PRDM6: variants seen among roughly 807,000 people sequenced by gnomAD.
PRDM6 encodes putative histone-lysine N-methyltransferase PRDM6.
A neutral mutation model predicts 60.8 loss-of-function variants in PRDM6; 25 were observed. The observed-to-expected ratio is 0.41, with a 90% confidence interval of 0.30 to 0.57. The LOEUF (loss-of-function observed/expected upper bound fraction) is 0.57. Among genes scored for constraint, PRDM6 ranks in the 20% least tolerant of loss-of-function variants. The pLI is 0.27. For synonymous variants in PRDM6, 407 were observed against 357.4 expected (o/e 1.14, Z -1.57); for missense variants, 839 against 821.3 (o/e 1.02, Z -0.26).
chr5:123,155,858 A>G (rs1765482895), intron 3 of PRDM6, 26 bp from the exon 4 acceptor site: 3 of 1,547,822 alleles, frequency 1.9e-6, no homozygotes, highest in Admixed American at 4.0e-5. Flanking sequence ...CGTTCTAACT[A>G]CTTGACCTTC....
At chr5:123,147,612 TACA>T (rs1765276276) in intron 3 of PRDM6, among the ~76,000 whole-genome samples, 1 of 151,894 alleles carries the variant, frequency 6.6e-6, no homozygotes. Context: ...CTCAAAAGAG[TACA>T]ACATCAAAGA....
intron 5 of PRDM6, among the ~76,000 whole-genome samples, chr5:123,165,315 A>T (rs546205523): frequency 2.6e-5 from 4 of 152,150 alleles, no homozygotes; most frequent in African/African-American, 9.6e-5. Context: ...ACTCCCAATC[A>T]TCCAATTGCT....
chr5:123,176,270 T>TAAAAA lies in PRDM6; in HGVS notation c.1497-3868_1497-3864dup, dbSNP rs780046640. 2.3e-3 allele frequency among the ~76,000 whole-genome samples: 274 copies of TAAAAA among 121,246 alleles called. 7 individuals carry two copies. Among genetic ancestry groups the TAAAAA allele is most frequent in the African/African-American group, 8.0e-3 (255 of 31,930 alleles). 79.5% of individuals were successfully genotyped at this position (121,246 alleles called of 152,430 possible). A position where few individuals can be genotyped will look rare whatever the true frequency, so the allele number is the denominator to read the frequency against. ...CAACACTACTAAAGATCTCAAATGG[T>TAAAAA]AAAAAAAAAAAAACAAAAAAAAAAC... is the stretch of plus-strand genomic sequence containing the variant. On this transcript the variant is annotated intron_variant, in intron 6 of 7. Transcript: ENST00000407847.
At chr5:123,158,002 A>G (rs568782654) in intron 4 of PRDM6, among the ~76,000 whole-genome samples, 8 of 152,252 alleles carry the variant, frequency 5.3e-5, no homozygotes, top group Non-Finnish European at 7.3e-5. Context: ...GTGCTTCAAC[A>G]TGCAGAGATT....
chr5:123,115,004 T>C (rs935829943), intron 3 of PRDM6, among the ~76,000 whole-genome samples: 2 of 152,170 alleles, frequency 1.3e-5, no homozygotes, highest in African/African-American at 4.8e-5. Flanking sequence ...AGTGCATAGC[T>C]GTTGTTTACA....
At chr5:123,105,110 G>T (rs1384084136) in intron 3 of PRDM6, among the ~76,000 whole-genome samples, 1 of 152,084 alleles carries the variant, frequency 6.6e-6, no homozygotes, top group Non-Finnish European at 1.5e-5. Flanking sequence ...GTATCCACCG[G>T]ATTATTTTTC....
intron 3 of PRDM6, among the ~76,000 whole-genome samples, chr5:123,128,470 G>A (rs892969470): frequency 1.7e-4 from 26 of 152,150 alleles, no homozygotes; most frequent in Admixed American, 5.9e-4. Flanking sequence ...TGTAACTGGC[G>A]TGAGATGGTA....
intron 5 of PRDM6, among the ~76,000 whole-genome samples, chr5:123,160,167 T>C (rs1341846780): frequency 6.6e-6 from 1 of 152,240 alleles, no homozygotes; most frequent in Non-Finnish European, 1.5e-5. Flanking sequence ...GACTGAGGAA[T>C]TTGTGTCTTT....
At chr5:123,101,560 A>G (rs1417894424) in intron 3 of PRDM6, among the ~76,000 whole-genome samples, 1 of 152,236 alleles carries the variant, frequency 6.6e-6, no homozygotes, top group Non-Finnish European at 1.5e-5. Context: ...AAGGTCTGCC[A>G]ATATTTTTCT....
At position 123,170,966 on chromosome 5, in the gene PRDM6, C is replaced by G. The variant is rs992816619; in HGVS notation, c.1354C>G (p.Arg452Gly). The G allele has an allele frequency of 6.4e-7, 1 of 1,551,830 alleles. No individual in the cohort carries two copies. The highest frequency in any genetic ancestry group is 8.7e-7 in the Non-Finnish European group (1 of 1,147,040). ...GFNQINVKNQ[R>G]VLASPTSTSQ... ...TAATCAAATCAACGTGAAAAACCAGCGAGTCCTGGCAAGCCCAACTTCCAC... is the reference window on the plus strand; with the variant it reads ...TAATCAAATCAACGTGAAAAACCAGGGAGTCCTGGCAAGCCCAACTTCCAC... The change falls in exon 6 of 8, where the codon CGA becomes GGA. Residue 452 changes from arginine (R) to glycine (G), a missense_variant. This residue lies in a region of PRDM6 where 730 missense variants were observed against 648.8 expected (regional missense o/e 1.13). Transcript: ENST00000407847.
chr5:123,133,566 G>T (rs891757951), intron 3 of PRDM6, among the ~76,000 whole-genome samples: 14 of 152,122 alleles, frequency 9.2e-5, no homozygotes, highest in Admixed American at 8.5e-4. Flanking sequence ...TTGATAAATT[G>T]GATCCTGATA....
chr5:123,115,774 G>A (rs192454644), intron 3 of PRDM6, among the ~76,000 whole-genome samples: 36 of 152,148 alleles, frequency 2.4e-4, no homozygotes, highest in African/African-American at 8.7e-4. Context: ...GAATCCAATT[G>A]CTCAACATTT....
intron 3 of PRDM6, among the ~76,000 whole-genome samples, chr5:123,135,312 CA>C (rs1764930398): frequency 1.3e-5 from 2 of 152,158 alleles, no homozygotes; most frequent in South Asian, 4.1e-4. Flanking sequence ...AACTCAGACA[CA>C]AGTAGTGGAA....
In PRDM6 at chr5:123,193,079, T is replaced by G. The variant is rs1324713246; in HGVS notation, c.*5878T>G. 1.3e-5 allele frequency: 2 copies of G among 152,238 alleles called. No individual in the cohort carries two copies. Among genetic ancestry groups the G allele is most frequent in the African/African-American group, 4.8e-5 (2 of 41,468 alleles). The allele number at this position is 152,238 out of a possible 1,614,324, so 9.4% of individuals were successfully genotyped here. On this transcript the variant is annotated 3_prime_UTR_variant, in exon 8 of 8. Transcript: ENST00000407847. ...CTGGCTTTATTACAACTCTTTACCG[T>G]GGTTTATTGAAACCACAATGTATAC...
Position 123,099,886 on chromosome 5 carries a change from A to G in PRDM6, c.825A>G (p.Gly275=). 1.3e-6 allele frequency: 2 copies of G among 1,549,602 alleles called. No homozygotes were observed. Among genetic ancestry groups the G allele is most frequent in the African/African-American group, 1.4e-5 (1 of 73,094 alleles). Residue 275 remains glycine, a synonymous_variant, in exon 3 of 8, where the codon GGA becomes GGG. Transcript: ENST00000407847. The surrounding 1 kb of genome is among the most constrained non-coding windows in gnomAD (Gnocchi z 4.0). ...AQRIQQGTWI[G]PFQGVLLPPE... ...GGATCCAGCAAGGCACCTGGATTGGACCTTTCCAAGGCGTGCTTCTGCCCC... is the reference window on the plus strand; with the variant it reads ...GGATCCAGCAAGGCACCTGGATTGGGCCTTTCCAAGGCGTGCTTCTGCCCC...
At chr5:123,147,235 A>G (rs577367331) in intron 3 of PRDM6, among the ~76,000 whole-genome samples, 1 of 152,064 alleles carries the variant, frequency 6.6e-6, no homozygotes, top group East Asian at 1.9e-4. Context: ...AGATTGTGTC[A>G]AAGAATTTTG....
At chr5:123,164,076 C>T (rs1273476538) in intron 5 of PRDM6, among the ~76,000 whole-genome samples, 1 of 152,144 alleles carries the variant, frequency 6.6e-6, no homozygotes, top group African/African-American at 2.4e-5. Flanking sequence ...GTCCACAAGA[C>T]CATCTGTGCA....
In PRDM6 at chr5:123,108,903, G is replaced by A. The variant is rs186799556; in HGVS notation, c.900+8942G>A. On this transcript the variant is annotated intron_variant, in intron 3 of 7. Transcript: ENST00000407847. ...AACATCTTGGAAATTGCAACCAATG[G>A]CACTGTTTTCACAGGGTTCCAGTAA... Among the ~76,000 whole-genome samples, 675 of 152,172 alleles carry A rather than the reference G, an allele frequency of 4.4e-3. 5 individuals carry two copies. Among genetic ancestry groups the A allele is most frequent in the South Asian group, 9.3e-3 (45 of 4,822 alleles).
Position 123,090,540 on chromosome 5 carries a change from T to C in PRDM6, c.526T>C (p.Tyr176His). Reference protein sequence around the residue: ...FRCSAEELDYYLYGQQRMEII... With the variant: ...FRCSAEELDYHLYGQQRMEII... The stretch of plus-strand genomic sequence containing the variant: ...CTGCAGCGCAGAGGAGCTGGACTAT[T>C]ACCTGTATGGCCAGCAGCGCATGGA... The change falls in exon 2 of 8, where the codon TAC (tyrosine) becomes CAC (histidine). Residue 176 changes from tyrosine to histidine, a missense_variant. Transcript: ENST00000407847. The C allele has an allele frequency of 6.6e-7, 1 of 1,521,452 alleles. No individual in the cohort carries two copies. Among genetic ancestry groups the C allele is most frequent in the Non-Finnish European group, 8.8e-7 (1 of 1,142,238 alleles). 94.2% of individuals were successfully genotyped at this position (1,521,452 alleles called of 1,614,324 possible).
Sources: allele counts gnomAD v4.1 joint callset (sites outside exome capture counted in the v4.1 genomes callset), GRCh38; gene constraint gnomAD v4.1.1; regional missense constraint gnomAD v4.1.1; non-coding constraint Gnocchi (gnomAD v3.1); transcripts MANE v1.5; gene names NCBI Gene and HGNC (gene_info 2026-07-23, HGNC 2026-07-21).